Variants in DBF4B observed in about 807,000 individuals in gnomAD.
The protein encoded by DBF4B is DBF4B-CDC7 kinase regulatory subunit.
Under a neutral mutation model 53.4 loss-of-function variants are expected in DBF4B, and 49 were observed. The ratio of observed to expected loss-of-function variants is 0.92; its 90% CI spans 0.73 to 1.16. The LOEUF (loss-of-function observed/expected upper bound fraction) is 1.16. DBF4B is among the 50% of genes most tolerant of loss of function. The probability of loss-of-function intolerance (pLI) is 0.00; values close to 1 mark genes in which losing one functional copy is unlikely to be tolerated. For missense variants in DBF4B, 692 were observed against 775.0 expected, an observed-to-expected ratio of 0.89 and a Z score of 1.27; for synonymous variants, 257 against 288.7, an observed-to-expected ratio of 0.89 and a Z score of 1.11.
intron 10 of DBF4B, among the ~76,000 whole-genome samples, chr17:44,746,101 G>A (rs1976568678): frequency 6.6e-6 from 1 of 150,942 alleles, no homozygotes; most frequent in Non-Finnish European, 1.5e-5. Context: ...GCGTGGTGGT[G>A]TGTTCCTGTA....
At chr17:44,736,906 C>G in intron 8 of DBF4B, 40 bp downstream of exon 8, 1 of 1,610,478 alleles carries the variant, frequency 6.2e-7, no homozygotes, top group Non-Finnish European at 8.5e-7. Flanking sequence ...TGCAATCCCT[C>G]CCTCCCTAAA....
At chr17:44,726,722 ACT>A (rs925922376) in intron 3 of DBF4B, among the ~76,000 whole-genome samples, 4 of 152,210 alleles carry the variant, frequency 2.6e-5, no homozygotes, top group East Asian at 1.9e-4. Context: ...GGACATTTAG[ACT>A]CTTAATAATT....
chr17:44,739,914 A>C (rs1297213384), intron 9 of DBF4B, among the ~76,000 whole-genome samples: 2 of 152,054 alleles, frequency 1.3e-5, no homozygotes, highest in Non-Finnish European at 2.9e-5. Context: ...AAAGGTGTTC[A>C]CCACCACGCC....
intron 2 of DBF4B, 26 bp downstream of exon 2, chr17:44,709,392 C>A: frequency 6.2e-7 from 1 of 1,613,732 alleles, no homozygotes; most frequent in Non-Finnish European, 8.5e-7. Flanking sequence ...GAACTAGGGA[C>A]GTGAGGTGAA....
intron 13 of DBF4B, chr17:44,750,273 T>A: frequency 9.2e-7 from 1 of 1,089,192 alleles, no homozygotes. Flanking sequence ...TTACAATTTG[T>A]ACCGTGATTC....
At chr17:44,740,686 G>A (rs553413835) in intron 9 of DBF4B, among the ~76,000 whole-genome samples, 3 of 152,360 alleles carry the variant, frequency 2.0e-5, no homozygotes, top group African/African-American at 7.2e-5. Context: ...GGAGTCTGGA[G>A]ATGTGGCTTC....
At chr17:44,746,500 T>C (rs1431093097) in intron 10 of DBF4B, among the ~76,000 whole-genome samples, 1 of 152,016 alleles carries the variant, frequency 6.6e-6, no homozygotes, top group Non-Finnish European at 1.5e-5. Flanking sequence ...GCCGTCACCA[T>C]CCCATCTTCA....
At chr17:44,724,983 G>T (rs1974175134) in intron 3 of DBF4B, among the ~76,000 whole-genome samples, 1 of 152,120 alleles carries the variant, frequency 6.6e-6, no homozygotes, top group African/African-American at 2.4e-5. Context: ...GGGTGTGGCG[G>T]CACATGCCTG....
intron 7 of DBF4B, among the ~76,000 whole-genome samples, chr17:44,736,030 G>A (rs1009629336): frequency 6.6e-6 from 1 of 151,970 alleles, no homozygotes; most frequent in African/African-American, 2.4e-5. Flanking sequence ...CGCCCAGGCT[G>A]GAGTGCAGTG....
intron 2 of DBF4B, among the ~76,000 whole-genome samples, chr17:44,713,560 G>A (rs909012004): frequency 7.2e-5 from 11 of 151,978 alleles, no homozygotes; most frequent in Non-Finnish European, 1.2e-4. Flanking sequence ...TGAGGCAGGA[G>A]AATCACTTGA....
chr17:44,720,219 C>A, intron 2 of DBF4B: 1 of 357,226 alleles, frequency 2.8e-6, no homozygotes, highest in South Asian at 2.7e-5. Flanking sequence ...GTTTCTTTTG[C>A]CATGGCTCAA....
chr17:44,751,357 C>A lies in DBF4B; in HGVS notation c.*104C>A. 1 of 1,465,840 alleles carries A rather than the reference C, an allele frequency of 6.8e-7. No homozygotes were observed. 90.8% of individuals were successfully genotyped at this position (1,465,840 alleles called of 1,614,324 possible). A position where few individuals can be genotyped will look rare whatever the true frequency, so the allele number is the denominator to read the frequency against. ...CTTGGCGTGAGCACTGCTCAGACTC[C>A]TTTCCACTCCAGCCCCCTTTCCACA... is the stretch of plus-strand genomic sequence containing the variant. On this transcript the variant is annotated 3_prime_UTR_variant, in exon 14 of 14. Coordinates refer to ENST00000315005, the MANE Select transcript of DBF4B (RefSeq NM_145663.3).
chr17:44,724,953 C>T (rs1974169553), intron 3 of DBF4B, among the ~76,000 whole-genome samples: 1 of 152,042 alleles, frequency 6.6e-6, no homozygotes, highest in Non-Finnish European at 1.5e-5. Flanking sequence ...CCTGTCTCTA[C>T]TAAAAATACA....
In DBF4B at chr17:44,749,237, G is replaced by C. The variant is rs975007685; in HGVS notation, c.1189+772G>C. 4.4e-5 allele frequency: 57 copies of C among 1,290,376 alleles called. No individual in the cohort carries two copies. The highest frequency in any genetic ancestry group is 5.5e-5 in the Non-Finnish European group (54 of 988,896). The allele number at this position is 1,290,376 out of a possible 1,614,324, so 79.9% of individuals were successfully genotyped here. On this transcript the variant is annotated intron_variant, in intron 13 of 13. Transcript: ENST00000315005. This position sits in a 1 kb window ranked among gnomAD's most constrained non-coding sequence, Gnocchi z 4.4. ...GCCCCCCAGCCTCTCCAGGTGCCCTGTCTCCCTGTCTCCCAGCCCTGGTCC... is the reference window on the plus strand; with the variant it reads ...GCCCCCCAGCCTCTCCAGGTGCCCTCTCTCCCTGTCTCCCAGCCCTGGTCC...
intron 2 of DBF4B, among the ~76,000 whole-genome samples, chr17:44,711,428 A>T (rs1972856556): frequency 6.6e-6 from 1 of 152,130 alleles, no homozygotes; most frequent in Non-Finnish European, 1.5e-5. Context: ...CTCCTGCCTC[A>T]GTCTCCCAAT....
chr17:44,736,027 GC>G lies in DBF4B; in HGVS notation c.631-802del, dbSNP rs368885335. Among the ~76,000 whole-genome samples the G allele has an allele frequency of 7.0e-4, 107 of 152,012 alleles. 2 individuals are homozygous for G. The East Asian group carries it at 0.015, about 21-fold the overall frequency. On this transcript the variant is annotated intron_variant, in intron 7 of 13. Coordinates refer to ENST00000315005, the MANE Select transcript of DBF4B (RefSeq NM_145663.3). ...GACAAGGTCTGGCTCTGTCGCCCAG[GC>G]TGGAGTGCAGTGGCGCCATCTCTGT...
intron 9 of DBF4B, 61 bp from the exon 10 acceptor site, chr17:44,741,275 G>T (rs1975996126): frequency 1.6e-6 from 2 of 1,235,214 alleles, no homozygotes; most frequent in Non-Finnish European, 2.4e-6. Flanking sequence ...ATTGGGCGAG[G>T]CCCCCTCCTC....
chr17:44,750,214 GGAGACA>G, intron 13 of DBF4B: 1 of 1,008,642 alleles, frequency 9.9e-7, no homozygotes, highest in African/African-American at 1.7e-5. Flanking sequence ...CCATTAATCT[GGAGACA>G]GAAATGGGTT....
At chr17:44,731,543 C>T in intron 5 of DBF4B, 1 of 161,934 alleles carries the variant, frequency 6.2e-6, no homozygotes, top group South Asian at 1.7e-4. Flanking sequence ...GTGGAGGTTG[C>T]AGTGAGCCGA....
Sources: allele counts gnomAD v4.1 joint callset (sites outside exome capture counted in the v4.1 genomes callset), GRCh38; gene constraint gnomAD v4.1.1; non-coding constraint Gnocchi (gnomAD v3.1); transcripts MANE v1.5; gene names NCBI Gene and HGNC (gene_info 2026-07-23, HGNC 2026-07-21).